The following ATRX variants were observed in gnomAD, a reference collection of about 807,000 sequenced individuals.
ATRX encodes chromatin remodeler ATRX.
A neutral mutation model predicts 172.6 loss-of-function variants in ATRX; 12 were observed. That is an observed-to-expected ratio of 0.07 (90% CI 0.04 to 0.11). The LOEUF is 0.11. Among genes scored for constraint, ATRX ranks in the 10% least tolerant of loss-of-function variants. The probability of loss-of-function intolerance (pLI) is 1.00; values close to 1 mark genes in which losing one functional copy is unlikely to be tolerated. For missense variants in ATRX, 1,368 were observed against 1,767.4 expected (o/e 0.77, Z 4.05); for synonymous variants, 674 against 594.7 (o/e 1.13, Z -1.94).
At position 77,717,248 on chromosome X, in the gene ATRX, T is replaced by TA. The variant is rs782217573; in HGVS notation, c.21-6dup. On this transcript the variant is annotated splice_polypyrimidine_tract_variant and splice_region_variant and intron_variant, in intron 1 of 34. Coordinates refer to ENST00000373344, the MANE Select transcript of ATRX (RefSeq NM_000489.6). ...AATGTATTCAACTTGCTTTCACTAT[T>TA]AAAACAAAATTTAAAGAATTCCCTT... is the stretch of plus-strand genomic sequence containing the variant. 4 of 1,170,805 alleles carry TA rather than the reference T, an allele frequency of 3.4e-6. No individual in the cohort carries two copies. The highest frequency in any genetic ancestry group is 4.7e-6 in the Non-Finnish European group (4 of 858,690).
intron 15 of ATRX, among the ~76,000 whole-genome samples, chrX:77,644,117 T>C (rs1476316078): frequency 8.9e-6 from 1 of 112,098 alleles, no homozygotes; most frequent in East Asian, 2.8e-4. Flanking sequence ...ATTTTTTGTA[T>C]TTTTAGTAGA....
At chrX:77,541,611 T>G (rs1350721746) in intron 30 of ATRX, among the ~76,000 whole-genome samples, 1 of 111,823 alleles carries the variant, frequency 8.9e-6, no homozygotes, top group African/African-American at 3.3e-5. Context: ...TCAAAAAGCT[T>G]ATCCACCACA....
At chrX:77,751,270 T>G (rs1290684200) in intron 1 of ATRX, among the ~76,000 whole-genome samples, 3 of 112,933 alleles carry the variant, frequency 2.7e-5, no homozygotes, top group Non-Finnish European at 5.6e-5. Flanking sequence ...TTTGCATTTC[T>G]CTAATGACCA....
At chrX:77,540,106 AAGAGAT>A (rs1453985198) in intron 30 of ATRX, among the ~76,000 whole-genome samples, 1 of 111,660 alleles carries the variant, frequency 9.0e-6, no homozygotes, top group African/African-American at 3.3e-5. Flanking sequence ...GCTCAAAACA[AAGAGAT>A]AGAGGAATAT....
intron 19 of ATRX, among the ~76,000 whole-genome samples, chrX:77,631,689 G>T (rs2068113588): frequency 8.9e-6 from 1 of 111,909 alleles, no homozygotes; most frequent in Non-Finnish European, 1.9e-5. Flanking sequence ...TACCTGGACG[G>T]TCCTCCTTAA....
chrX:77,586,283 C>CA (rs1430811317), intron 27 of ATRX, among the ~76,000 whole-genome samples: 2 of 111,182 alleles, frequency 1.8e-5, no homozygotes, highest in African/African-American at 6.5e-5. Context: ...CATGCACCCA[C>CA]AAAAATTAAA....
rs782350220 is a variant in ATRX, at chrX:77,698,638, G to A, written c.134-9C>T. ...AGAACCACTGATTTTATCTAAAAAA[G>A]AAGAAATAAAGAACATTATTTATCT... On this transcript the variant is annotated splice_polypyrimidine_tract_variant and intron_variant, in intron 2 of 34. Transcript: ENST00000373344. 8.4e-7 allele frequency: 1 copy of A among 1,188,765 alleles called. No homozygotes were observed. Among genetic ancestry groups the A allele is most frequent in the African/African-American group, 1.7e-5 (1 of 57,296 alleles).
Position 77,624,009 on chromosome X carries a change from C to A in ATRX, c.5135-3477G>T, listed in dbSNP as rs2067705828. Among the ~76,000 whole-genome samples, 3 of 111,610 alleles carry A rather than the reference C, an allele frequency of 2.7e-5. No individual in the cohort carries two copies. In the Admixed American group the frequency reaches 2.8e-4, roughly 11 times the overall value. ...AACGGAAAGAAGACAAGGATGCCCACCCTCACCACTCCTCTTCAACATAGT... is the reference window on the plus strand; with the variant it reads ...AACGGAAAGAAGACAAGGATGCCCAACCTCACCACTCCTCTTCAACATAGT... On this transcript the variant is annotated intron_variant, in intron 19 of 34. Coordinates refer to ENST00000373344, the MANE Select transcript of ATRX (RefSeq NM_000489.6).
chrX:77,771,919 A>G (rs2148946363), intron 1 of ATRX, among the ~76,000 whole-genome samples: 1 of 111,616 alleles, frequency 9.0e-6, no homozygotes, highest in African/African-American at 3.3e-5. Flanking sequence ...CCTCTAACAA[A>G]AAATTTTCTG....
At chrX:77,560,462 A>C (rs2064977402) in intron 28 of ATRX, among the ~76,000 whole-genome samples, 1 of 111,166 alleles carries the variant, frequency 9.0e-6, no homozygotes, top group South Asian at 3.7e-4. Context: ...GTAGCTGCAT[A>C]GTATTTCATT....
rs371620069 is a variant in ATRX at position 77,615,725 on chromosome X, A to T, written c.5566+888T>A. On this transcript the variant is annotated intron_variant, in intron 22 of 34. Coordinates refer to ENST00000373344, the MANE Select transcript of ATRX (RefSeq NM_000489.6). ...AGCAGAATGTTTCTTGAGAACCATC[A>T]TATTTTACTCTCTAGGATGCACTGC... is the stretch of plus-strand genomic sequence containing the variant. Among the ~76,000 whole-genome samples, 32 of 111,545 alleles carry T rather than the reference A, an allele frequency of 2.9e-4. 1 individual carries two copies. The East Asian group carries it at 3.6e-3, about 13-fold the overall frequency.
rs373886136 is a variant in ATRX at position 77,573,713 on chromosome X, G to A, written c.6326+537C>T. ...GAAACTGGAACTCTCATACAACTGC[G>A]GGTGGGAATGAAAAATTGTACAGTC... On this transcript the variant is annotated intron_variant, in intron 28 of 34. Transcript: ENST00000373344. Among the ~76,000 whole-genome samples, 9 of 111,470 alleles carry A rather than the reference G, an allele frequency of 8.1e-5. No homozygotes were observed. In the East Asian group the frequency reaches 8.4e-4, roughly 10 times the overall value.
intron 22 of ATRX, chrX:77,616,131 C>A: frequency 1.3e-6 from 1 of 777,222 alleles, no homozygotes. Context: ...CAAAAGCACC[C>A]AGAAAACAAC....
chrX:77,664,510 C>A, intron 11 of ATRX, 135 bp downstream of exon 11: 1 of 901,495 alleles, frequency 1.1e-6, no homozygotes. Flanking sequence ...TTCGGCCTCC[C>A]AAAGTCCTGA....
At chrX:77,738,963 T>C (rs912697964) in intron 1 of ATRX, among the ~76,000 whole-genome samples, 17 of 112,048 alleles carry the variant, frequency 1.5e-4, no homozygotes, top group Admixed American at 7.6e-4. Flanking sequence ...TCTTTGTTAC[T>C]GTCTTATTTA....
At chrX:77,698,075 T>C (rs905733149) in intron 3 of ATRX, among the ~76,000 whole-genome samples, 22 of 111,604 alleles carry the variant, frequency 2.0e-4, no homozygotes, top group African/African-American at 6.5e-4. Flanking sequence ...TTCTACAACT[T>C]GCTTTGAGAT....
chrX:77,564,473 C>A (rs1044118402), intron 28 of ATRX, among the ~76,000 whole-genome samples: 1 of 110,902 alleles, frequency 9.0e-6, no homozygotes, highest in Non-Finnish European at 1.9e-5. Flanking sequence ...GCAGCCTTGA[C>A]TTGCTGGGCT....
chrX:77,611,136 T>A (rs1219853665), intron 22 of ATRX, among the ~76,000 whole-genome samples: 1 of 110,984 alleles, frequency 9.0e-6, no homozygotes, highest in Non-Finnish European at 1.9e-5. Context: ...ATTGTATTAG[T>A]GCCTTTCAAT....
intron 10 of ATRX, among the ~76,000 whole-genome samples, chrX:77,673,489 G>C (rs1392998590): frequency 9.0e-6 from 1 of 110,914 alleles, no homozygotes; most frequent in East Asian, 2.8e-4. Context: ...TTTATAAAAA[G>C]CTAAACCAGA....
Sources: allele counts gnomAD v4.1 joint callset (sites outside exome capture counted in the v4.1 genomes callset), GRCh38; gene constraint gnomAD v4.1.1; transcripts MANE v1.5; gene names NCBI Gene and HGNC (gene_info 2026-07-23, HGNC 2026-07-21).